EYS: variants seen among roughly 807,000 people sequenced by gnomAD.
EYS encodes the protein protein eyes shut homolog.
In EYS, 250 loss-of-function variants were observed where a neutral mutation model predicts 282.1. The observed-to-expected ratio is 0.89, with a 90% CI of 0.80 to 0.98. The LOEUF (loss-of-function observed/expected upper bound fraction) is 0.98. Ranked by LOEUF, EYS falls within the 50% of genes least tolerant of loss-of-function variation. The pLI is 0.00. For synonymous variants in EYS, 1,355 were observed against 1,282.9 expected, an observed-to-expected ratio of 1.06 and a Z score of -1.20; for missense variants, 4,016 against 3,709.0, an observed-to-expected ratio of 1.08 and a Z score of -2.15.
At chr6:64,685,226 A>T (rs1441050437) in intron 22 of EYS, among the ~76,000 whole-genome samples, 1 of 152,220 alleles carries the variant, frequency 6.6e-6, no homozygotes, top group South Asian at 2.1e-4. Flanking sequence ...AGAAAAATAT[A>T]TTAATCCTAA....
At chr6:64,305,911 G>A (rs1769427557) in intron 30 of EYS, among the ~76,000 whole-genome samples, 1 of 152,088 alleles carries the variant, frequency 6.6e-6, no homozygotes, top group African/African-American at 2.4e-5. Flanking sequence ...AAGAAATTGT[G>A]CATCAAAATA....
At chr6:65,662,305 G>A (rs908126167) in intron 1 of EYS, among the ~76,000 whole-genome samples, 2 of 152,082 alleles carry the variant, frequency 1.3e-5, no homozygotes, top group African/African-American at 4.8e-5. Flanking sequence ...GTGGCTTAAT[G>A]AAATGGCTCA....
chr6:64,292,800 C>A (rs539198747), intron 30 of EYS, among the ~76,000 whole-genome samples: 1 of 151,942 alleles, frequency 6.6e-6, no homozygotes, highest in Non-Finnish European at 1.5e-5. Flanking sequence ...GAAATGATAA[C>A]ATATATGCTA....
intron 19 of EYS, among the ~76,000 whole-genome samples, chr6:64,875,345 G>A (rs1440089981): frequency 1.3e-5 from 2 of 152,018 alleles, no homozygotes; most frequent in Non-Finnish European, 2.9e-5. Flanking sequence ...GGGAATTATT[G>A]AGCTTTTGTG....
At chr6:64,562,613 G>A (rs958084195) in intron 26 of EYS, among the ~76,000 whole-genome samples, 19 of 151,810 alleles carry the variant, frequency 1.3e-4, no homozygotes, top group African/African-American at 4.1e-4. Context: ...TTTTTCCTCT[G>A]CCCCTAATTT....
chr6:64,475,958 T>C (rs1477964639), intron 26 of EYS, among the ~76,000 whole-genome samples: 1 of 152,138 alleles, frequency 6.6e-6, no homozygotes, highest in Admixed American at 6.6e-5. Flanking sequence ...AGTTATTTTT[T>C]TGAAATAACT....
chr6:65,233,329 G>A (rs779224525), intron 12 of EYS, among the ~76,000 whole-genome samples: 1 of 152,018 alleles, frequency 6.6e-6, no homozygotes, highest in Non-Finnish European at 1.5e-5. Context: ...ATCTGGCAGT[G>A]GTTATTATTG....
chr6:64,902,840 T>G (rs1199069394), intron 16 of EYS, among the ~76,000 whole-genome samples: 1 of 152,166 alleles, frequency 6.6e-6, no homozygotes, highest in Non-Finnish European at 1.5e-5. Flanking sequence ...TGAATTAATG[T>G]GATGACCAAT....
At chr6:65,646,463 A>G (rs1767454449) in intron 1 of EYS, among the ~76,000 whole-genome samples, 2 of 152,220 alleles carry the variant, frequency 1.3e-5, no homozygotes, top group African/African-American at 4.8e-5. Flanking sequence ...AGCATTTGAT[A>G]AAATACAGCA....
chr6:65,278,736 T>C (rs898727340), intron 12 of EYS, among the ~76,000 whole-genome samples: 2 of 152,182 alleles, frequency 1.3e-5, no homozygotes, highest in African/African-American at 4.8e-5. Flanking sequence ...GTTTCTATTG[T>C]GCCAGATGAC....
In EYS at chr6:63,727,052, G is replaced by T. The variant is rs140324142; in HGVS notation, c.8072-372C>A. On this transcript the variant is annotated intron_variant, in intron 41 of 42. Coordinates refer to ENST00000503581, the MANE Select transcript of EYS (RefSeq NM_001142800.2). The stretch of plus-strand genomic sequence containing the variant: ...CTTTCAGAAAGTTCAAATGTTGGAA[G>T]ATAGAGGACAACACTTTATAAGTTA... Among the ~76,000 whole-genome samples the T allele has an allele frequency of 3.3e-5, 5 of 152,278 alleles. No homozygotes were observed. In the East Asian group the frequency reaches 7.7e-4, roughly 23 times the overall value.
intron 2 of EYS, among the ~76,000 whole-genome samples, chr6:65,498,648 A>G (rs1766336831): frequency 6.6e-6 from 1 of 151,958 alleles, no homozygotes; most frequent in Non-Finnish European, 1.5e-5. Context: ...ATAAATGAAA[A>G]TAGCAGCAAA....
chr6:65,094,316 CGA>C (rs1491578018), intron 12 of EYS, among the ~76,000 whole-genome samples: 1 of 61,234 alleles, frequency 1.6e-5, no homozygotes, highest in Non-Finnish European at 3.4e-5. Flanking sequence ...GATATCTTAA[CGA>C]AAAAAAAAAA....
At chr6:65,532,795 A>T (rs1411583101) in intron 2 of EYS, among the ~76,000 whole-genome samples, 2 of 152,256 alleles carry the variant, frequency 1.3e-5, no homozygotes, top group Admixed American at 6.5e-5. Flanking sequence ...CAGAAAAAAA[A>T]TATGGCAAGT....
At chr6:64,331,873 G>C (rs1179947345) in intron 29 of EYS, among the ~76,000 whole-genome samples, 1 of 152,292 alleles carries the variant, frequency 6.6e-6, no homozygotes, top group East Asian at 1.9e-4. Context: ...GCTAGTGTTT[G>C]CCTTCACTTT....
Position 63,726,535 on chromosome 6 carries a change from G to A in EYS, c.8217C>T (p.His2739=), listed in dbSNP as rs773389004. The part of the protein sequence containing the change: ...ADGILFYAAQ[H]LKAQSGDFLC... The stretch of plus-strand genomic sequence containing the variant: ...CAATCTTACCTGATTGGGCTTTTAA[G>A]TGTTGTGCAGCATAAAATAGGATAC... The change falls in exon 42 of 43, where the codon CAC becomes CAT. Residue 2739 remains histidine (H), a synonymous_variant. Transcript: ENST00000503581. 3 of 1,550,172 alleles carry A rather than the reference G, an allele frequency of 1.9e-6. No homozygotes were observed. The Admixed American group carries it at 5.9e-5, about 31-fold the overall frequency.
At chr6:64,226,867 C>T (rs1238168866) in intron 31 of EYS, among the ~76,000 whole-genome samples, 1 of 151,970 alleles carries the variant, frequency 6.6e-6, no homozygotes, top group African/African-American at 2.4e-5. Flanking sequence ...TCCAGAAACC[C>T]TTTCTCTGTG....
intron 5 of EYS, among the ~76,000 whole-genome samples, chr6:65,406,638 T>TA (rs1178365704): frequency 1.3e-5 from 2 of 152,136 alleles, no homozygotes; most frequent in Non-Finnish European, 2.9e-5. Flanking sequence ...CATATACACA[T>TA]ACAATTGTTA....
intron 12 of EYS, among the ~76,000 whole-genome samples, chr6:65,058,971 C>T (rs534282694): frequency 3.3e-5 from 5 of 151,776 alleles, no homozygotes; most frequent in Non-Finnish European, 5.9e-5. Flanking sequence ...AAGAAGAAAA[C>T]CTACATCAAA....
Sources: gnomAD v4.1 joint callset for allele counts (sites outside exome capture counted in the v4.1 genomes callset) on GRCh38, gnomAD v4.1.1 for gene constraint, MANE v1.5 for transcripts, NCBI Gene and HGNC (gene_info 2026-07-23, HGNC 2026-07-21) for gene names.